The following PAXBP1 variants were observed in gnomAD, a reference collection of about 807,000 sequenced individuals.
The protein encoded by PAXBP1 is PAX3- and PAX7-binding protein 1.
In PAXBP1, 44 loss-of-function variants were observed where a neutral mutation model predicts 119.9. The ratio of observed to expected loss-of-function variants is 0.37; its 90% CI spans 0.29 to 0.47. PAXBP1 has a LOEUF of 0.47. Ranked by LOEUF, PAXBP1 falls within the 20% of genes least tolerant of loss-of-function variation. The pLI is 0.99. For synonymous variants in PAXBP1, 393 were observed against 406.6 expected (o/e 0.97, Z 0.40); for missense variants, 898 against 1,134.1 (o/e 0.79, Z 2.99).
chr21:32,771,294 C>T, intron 1 of PAXBP1, 32 bp downstream of exon 1: 2 of 1,537,832 alleles, frequency 1.3e-6, no homozygotes, highest in Non-Finnish European at 1.7e-6. Flanking sequence ...GGGGATGCGG[C>T]CGTCTAAGGG....
At chr21:32,752,369 A>G (rs1333714519) in intron 8 of PAXBP1, among the ~76,000 whole-genome samples, 1 of 152,068 alleles carries the variant, frequency 6.6e-6, no homozygotes, top group Non-Finnish European at 1.5e-5. Context: ...TCTGTCCACT[A>G]TACTTCCCTC....
In PAXBP1 at chr21:32,771,320, C is replaced by G. The variant is rs767019929; in HGVS notation, c.343+6G>C. 21 of 1,578,256 alleles carry G rather than the reference C, an allele frequency of 1.3e-5. 1 individual carries two copies. The Admixed American group carries it at 2.0e-4, about 15-fold the overall frequency. Reference sequence around the variant, plus strand: ...CGTCTAAGGGCGTCCGAAGCGCGCACTTTACCTTCCTCCTCGTCCTGGAAG... The same window carrying G: ...CGTCTAAGGGCGTCCGAAGCGCGCAGTTTACCTTCCTCCTCGTCCTGGAAG... On this transcript the variant is annotated splice_donor_region_variant and intron_variant, in intron 1 of 17. Transcript: ENST00000331923.
Position 32,734,918 on chromosome 21 carries a change from A to G in PAXBP1, c.*32T>C. On this transcript the variant is annotated 3_prime_UTR_variant, in exon 18 of 18. Coordinates refer to ENST00000331923, the MANE Select transcript of PAXBP1 (RefSeq NM_016631.4). ...CAAAATTTACACATTGGGAATGGTA[A>G]TCAAGCAAATAGGTTTTTCAGTCTC... 6 of 1,514,038 alleles carry G rather than the reference A, an allele frequency of 4.0e-6. No individual in the cohort carries two copies. The highest frequency in any genetic ancestry group is 5.5e-6 in the Non-Finnish European group (6 of 1,089,820). 93.8% of individuals were successfully genotyped at this position (1,514,038 alleles called of 1,614,324 possible).
intron 10 of PAXBP1, among the ~76,000 whole-genome samples, chr21:32,750,343 A>G (rs918623457): frequency 1.3e-5 from 2 of 152,214 alleles, no homozygotes; most frequent in Admixed American, 1.3e-4. Flanking sequence ...TAGTCTTTCA[A>G]ATTTTGTTTA....
rs2044355790 is a variant in PAXBP1 at position 32,771,575 on chromosome 21, A to G, written c.94T>C (p.Leu32=). The change falls in exon 1 of 18, where the codon TTG becomes CTG. Residue 32 remains leucine, a synonymous_variant. Coordinates refer to ENST00000331923, the MANE Select transcript of PAXBP1 (RefSeq NM_016631.4). ...TCGCCCGTGCCCGGCGGCGGCAACA[A>G]CGGCGGCGGCTCCTGCTCCTCATCG... ...ERDEEQEPPP[L]LPPPGTGEEA... 1.4e-6 allele frequency: 2 copies of G among 1,436,470 alleles called. No individual in the cohort carries two copies. Among genetic ancestry groups the G allele is most frequent in the Non-Finnish European group, 1.8e-6 (2 of 1,098,756 alleles). The allele number at this position is 1,436,470 out of a possible 1,614,324, so 89.0% of individuals were successfully genotyped here.
At chr21:32,770,524 C>T (rs2044320290) in intron 1 of PAXBP1, among the ~76,000 whole-genome samples, 1 of 152,178 alleles carries the variant, frequency 6.6e-6, no homozygotes, top group Non-Finnish European at 1.5e-5. Flanking sequence ...ACCTACCTTA[C>T]TGGAAACCTC....
chr21:32,746,423 C>G (rs1211120173), intron 11 of PAXBP1, among the ~76,000 whole-genome samples: 1 of 152,138 alleles, frequency 6.6e-6, no homozygotes, highest in Middle Eastern at 3.4e-3. Context: ...AAAAAAACAA[C>G]CCCATTAAAA....
chr21:32,767,705 A>G (rs547606293), intron 2 of PAXBP1, among the ~76,000 whole-genome samples: 17 of 152,116 alleles, frequency 1.1e-4, no homozygotes, highest in Non-Finnish European at 2.1e-4. Flanking sequence ...TGCTGCCGCC[A>G]TGTAAAAAGT....
Position 32,738,212 on chromosome 21 carries a change from A to G in PAXBP1, c.2442T>C (p.Asn814=). The G allele has an allele frequency of 6.3e-7, 1 of 1,599,028 alleles. No homozygotes were observed. The highest frequency in any genetic ancestry group is 1.2e-5 in the South Asian group (1 of 86,604). Reference sequence around the variant, plus strand: ...TGATGCTGTCATCTCCATATTCTGAATTCTGAAAAGCCATGAGAATATATC... The same window carrying G: ...TGATGCTGTCATCTCCATATTCTGAGTTCTGAAAAGCCATGAGAATATATC... The part of the protein sequence containing the change: ...LNRYILMAFQ[N]SEYGDDSIKK... Residue 814 remains asparagine (N), a synonymous_variant, in exon 16 of 18, where the codon AAT becomes AAC. Transcript: ENST00000331923.
At chr21:32,769,577 G>C (rs2044300051) in intron 2 of PAXBP1, among the ~76,000 whole-genome samples, 1 of 152,192 alleles carries the variant, frequency 6.6e-6, no homozygotes, top group African/African-American at 2.4e-5. Context: ...GGAAAACTGT[G>C]AGAGAATCTA....
chr21:32,743,698 A>C lies in PAXBP1; in HGVS notation c.2247T>G (p.Phe749Leu). The change falls in exon 14 of 18, where the codon TTT (phenylalanine) becomes TTG (leucine). Residue 749 changes from phenylalanine (F) to leucine (L), a missense_variant. Physicochemically the swap from Phe to Leu is conservative, Grantham distance 22. This residue lies in a region of PAXBP1 where 599 missense variants were observed against 852.7 expected (regional missense o/e 0.70). Coordinates refer to ENST00000331923, the MANE Select transcript of PAXBP1 (RefSeq NM_016631.4). ...CTTACTTTTTGGGATATAAGGGCAT[A>C]AATACATCATCATCTAAAGTTCTTC... ...RMRRTLDDDV[F>L]MPLYPKNVLE... The C allele has an allele frequency of 6.3e-7, 1 of 1,594,692 alleles. No individual in the cohort carries two copies. Among genetic ancestry groups the C allele is most frequent in the African/African-American group, 1.3e-5 (1 of 74,404 alleles).
Position 32,748,612 on chromosome 21 carries a change from C to T in PAXBP1, c.1810G>A (p.Ala604Thr). ...SIDCIKSQFE[A>T]WRSKYYTSYK... ...GATGTGTAGTATTTTGAACGCCATG[C>T]TTCAAACTGTGATTTAATACAGTCA... Residue 604 changes from alanine to threonine, a missense_variant, in exon 11 of 18, where the codon GCA becomes ACA. Ala to Thr is a moderately conservative substitution (Grantham distance 58). Coordinates refer to ENST00000331923, the MANE Select transcript of PAXBP1 (RefSeq NM_016631.4). 1 of 1,613,990 alleles carries T rather than the reference C, an allele frequency of 6.2e-7. No homozygotes were observed. The highest frequency in any genetic ancestry group is 1.1e-5 in the South Asian group (1 of 91,076).
At chr21:32,756,728 T>C in intron 7 of PAXBP1, 1 of 206,732 alleles carries the variant, frequency 4.8e-6, no homozygotes, top group Non-Finnish European at 9.7e-6. Context: ...TATCTTTTAA[T>C]CCTAGAGATT....
intron 4 of PAXBP1, among the ~76,000 whole-genome samples, chr21:32,761,719 T>A (rs2044150269): frequency 6.6e-6 from 1 of 151,280 alleles, no homozygotes; most frequent in South Asian, 2.1e-4. Context: ...GGCTGAGGCA[T>A]GGTGGCCCAT....
chr21:32,771,750 C>A lies in PAXBP1; in HGVS notation c.-82G>T. 1 of 1,200,884 alleles carries A rather than the reference C, an allele frequency of 8.3e-7. No homozygotes were observed. The highest frequency in any genetic ancestry group is 1.1e-6 in the Non-Finnish European group (1 of 935,018). The allele number at this position is 1,200,884 out of a possible 1,614,324, so 74.4% of individuals were successfully genotyped here. ...CCGAGCTCGTGACGGCGCACGCGCG[C>A]TCTCCGGAGCTCCAGCCGGGTCGAG... On this transcript the variant is annotated 5_prime_UTR_variant, in exon 1 of 18. Transcript: ENST00000331923.
At chr21:32,754,030 T>C (rs1240320348) in intron 8 of PAXBP1, among the ~76,000 whole-genome samples, 1 of 152,158 alleles carries the variant, frequency 6.6e-6, no homozygotes, top group Non-Finnish European at 1.5e-5. Context: ...AATAATCCAA[T>C]TTAAAATTCA....
At chr21:32,741,143 C>T (rs1000696363) in intron 15 of PAXBP1, among the ~76,000 whole-genome samples, 8 of 152,182 alleles carry the variant, frequency 5.3e-5, no homozygotes, top group Non-Finnish European at 1.2e-4. Context: ...CAAAATTATA[C>T]AGCCACTTCA....
At chr21:32,738,011 G>A (rs1302482963) in intron 16 of PAXBP1, among the ~76,000 whole-genome samples, 162 bp downstream of exon 16, 1 of 152,088 alleles carries the variant, frequency 6.6e-6, no homozygotes, top group Admixed American at 6.5e-5. Flanking sequence ...AAAAAATGCT[G>A]TAGGGGGTTG....
At chr21:32,764,551 T>C (rs371563870) in intron 2 of PAXBP1, 27 bp from the exon 3 acceptor site, 23 of 1,491,450 alleles carry the variant, frequency 1.5e-5, no homozygotes, top group African/African-American at 2.9e-5. Context: ...TTAAAATATA[T>C]GTAAAATAAA....
Sources: allele counts gnomAD v4.1 joint callset (sites outside exome capture counted in the v4.1 genomes callset), GRCh38; gene constraint gnomAD v4.1.1; regional missense constraint gnomAD v4.1.1; transcripts MANE v1.5; gene names NCBI Gene and HGNC (gene_info 2026-07-23, HGNC 2026-07-21).